SEMA3C: variants seen among roughly 807,000 people sequenced by gnomAD.
SEMA3C encodes the protein semaphorin 3C.
A neutral mutation model predicts 89.4 loss-of-function variants in SEMA3C; 47 were observed. That is an observed-to-expected ratio of 0.53 (90% CI 0.42 to 0.67). The LOEUF (loss-of-function observed/expected upper bound fraction) is 0.67, where lower values mean the gene tolerates loss of function less well. Ranked by LOEUF, SEMA3C falls within the 30% of genes least tolerant of loss-of-function variation. SEMA3C has a pLI of 0.00. For missense variants in SEMA3C, 839 were observed against 929.1 expected (o/e 0.90, Z 1.26); for synonymous variants, 310 against 320.2 (o/e 0.97, Z 0.34).
Position 80,744,863 on chromosome 7 carries a change from A to G in SEMA3C, c.*31T>C. 6.2e-6 allele frequency: 10 copies of G among 1,610,560 alleles called. No homozygotes were observed. The highest frequency in any genetic ancestry group is 8.5e-6 in the Non-Finnish European group (10 of 1,177,338). On this transcript the variant is annotated 3_prime_UTR_variant, in exon 18 of 18. Transcript: ENST00000265361. Reference sequence around the variant, plus strand: ...GATCATTGAAGACAGAGCATTTGTTAATGGAAGCATAAGACCCACATAAGA... The same window carrying G: ...GATCATTGAAGACAGAGCATTTGTTGATGGAAGCATAAGACCCACATAAGA...
At chr7:80,895,174 G>C (rs1237202851) in intron 2 of SEMA3C, among the ~76,000 whole-genome samples, 1 of 152,130 alleles carries the variant, frequency 6.6e-6, no homozygotes, top group East Asian at 1.9e-4. Context: ...ACCTAAAACT[G>C]TTCCTAAACT....
At chr7:80,795,787 C>T (rs1383400713) in intron 11 of SEMA3C, among the ~76,000 whole-genome samples, 1 of 152,006 alleles carries the variant, frequency 6.6e-6, no homozygotes, top group African/African-American at 2.4e-5. Context: ...GGTCAGAGGT[C>T]ACTTTGCATG....
chr7:80,866,997 G>A (rs903740852), intron 2 of SEMA3C, among the ~76,000 whole-genome samples: 1 of 152,182 alleles, frequency 6.6e-6, no homozygotes, highest in African/African-American at 2.4e-5. Context: ...GTTTTAGGTA[G>A]AGAAAAGTGA....
rs1790294746 is a variant in SEMA3C at position 80,842,571 on chromosome 7, A to G, written c.104-13826T>C. On this transcript the variant is annotated intron_variant, in intron 2 of 17. Transcript: ENST00000265361. ...CACTTAAAAGAGGAAATGAGAAACC[A>G]TGAGAAATCCAGTTTGACCTAAGTA... Among the ~76,000 whole-genome samples, 7 of 152,180 alleles carry G rather than the reference A, an allele frequency of 4.6e-5. No individual in the cohort carries two copies. In the South Asian group the frequency reaches 1.4e-3, roughly 31 times the overall value.
At position 80,810,611 on chromosome 7, in the gene SEMA3C, T is replaced by C. The variant is rs1789445150; in HGVS notation, c.538A>G (p.Asn180Asp). The C allele has an allele frequency of 3.1e-6, 5 of 1,611,692 alleles. No individual in the cohort carries two copies. The highest frequency in any genetic ancestry group is 1.3e-5 in the African/African-American group (1 of 74,896). The change falls in exon 6 of 18, where the codon AAT becomes GAT. Residue 180 changes from asparagine (N) to aspartate (D), a missense_variant and splice_region_variant. Transcript: ENST00000265361. ...PNVNTVSVMI[N>D]EELFSGMYID... ...CCTCCCTCTTTCGTTGTCTACTTAC[T>C]GATCATAACAGACACCGTGTTCACG...
intron 17 of SEMA3C, among the ~76,000 whole-genome samples, chr7:80,746,591 A>G (rs1201549214): frequency 6.6e-6 from 1 of 152,072 alleles, no homozygotes; most frequent in African/African-American, 2.4e-5. Flanking sequence ...TTTTGATAAG[A>G]GGAAAACAAG....
chr7:80,806,417 A>G (rs1309201401), intron 6 of SEMA3C, among the ~76,000 whole-genome samples: 1 of 152,188 alleles, frequency 6.6e-6, no homozygotes, highest in Non-Finnish European at 1.5e-5. Flanking sequence ...AAATGTAATC[A>G]CTAAAAGTAC....
At chr7:80,895,810 A>G (rs1174836618) in intron 2 of SEMA3C, among the ~76,000 whole-genome samples, 2 of 152,126 alleles carry the variant, frequency 1.3e-5, no homozygotes, top group African/African-American at 4.8e-5. Flanking sequence ...AATTAAGGTG[A>G]TGATTCAATT....
chr7:80,804,387 G>A, intron 7 of SEMA3C, 139 bp from the exon 8 acceptor site: 1 of 486,588 alleles, frequency 2.1e-6, no homozygotes, highest in Non-Finnish European at 3.5e-6. Context: ...ATTTCTAAAA[G>A]CAGTAATTGC....
chr7:80,798,814 AC>A (rs1187377287), intron 10 of SEMA3C, among the ~76,000 whole-genome samples: 1 of 152,212 alleles, frequency 6.6e-6, no homozygotes, highest in Non-Finnish European at 1.5e-5. Context: ...TTAGTCAATG[AC>A]ACCTCATAAA....
rs143365769 is a variant in SEMA3C at position 80,754,572 on chromosome 7, G to C, written c.1644-3236C>G. ...GTTAATTCATTCACTAACATGTTTT[G>C]TATTTACTATAAATACTTGCTTAAC... is the stretch of plus-strand genomic sequence containing the variant. On this transcript the variant is annotated intron_variant, in intron 15 of 17. Transcript: ENST00000265361. 2.2e-3 allele frequency among the ~76,000 whole-genome samples: 328 copies of C among 152,206 alleles called. 7 individuals are homozygous for C. The East Asian group carries it at 0.052, about 24-fold the overall frequency.
At chr7:80,918,151 G>A (rs75208901) in intron 1 of SEMA3C, 5,949 of 152,146 alleles carry the variant, frequency 0.039, 164 homozygotes, top group Middle Eastern at 0.061. Context: ...TGATTTTATG[G>A]GTGACTTTCC....
At chr7:80,755,916 AAAG>A (rs1788055330) in intron 15 of SEMA3C, among the ~76,000 whole-genome samples, 1 of 152,182 alleles carries the variant, frequency 6.6e-6, no homozygotes, top group Admixed American at 6.5e-5. Flanking sequence ...ATAGACATCA[AAAG>A]AAGTCAGGGA....
At chr7:80,881,825 C>T (rs1791348594) in intron 2 of SEMA3C, among the ~76,000 whole-genome samples, 1 of 152,094 alleles carries the variant, frequency 6.6e-6, no homozygotes, top group Non-Finnish European at 1.5e-5. Flanking sequence ...TATCAAGCCA[C>T]ATAAAATTTG....
At chr7:80,751,109 C>G (rs1464313313) in intron 16 of SEMA3C, among the ~76,000 whole-genome samples, 160 bp downstream of exon 16, 1 of 152,046 alleles carries the variant, frequency 6.6e-6, no homozygotes, top group East Asian at 1.9e-4. Flanking sequence ...ATACAAAAAG[C>G]CTTTAAGTTT....
intron 15 of SEMA3C, among the ~76,000 whole-genome samples, chr7:80,754,431 G>C (rs1562859477): frequency 6.6e-6 from 1 of 152,036 alleles, no homozygotes; most frequent in Non-Finnish European, 1.5e-5. Flanking sequence ...TTAGAGAGTG[G>C]CATCAGCACA....
intron 2 of SEMA3C, among the ~76,000 whole-genome samples, chr7:80,841,135 G>C (rs1447200876): frequency 6.6e-6 from 1 of 152,028 alleles, no homozygotes; most frequent in East Asian, 1.9e-4. Flanking sequence ...TTTTTCCCAA[G>C]TCACTTCAGA....
chr7:80,832,396 T>C (rs569834552), intron 2 of SEMA3C, among the ~76,000 whole-genome samples: 1 of 152,282 alleles, frequency 6.6e-6, no homozygotes, highest in South Asian at 2.1e-4. Flanking sequence ...CAATATATGC[T>C]CCTTTCATGA....
At chr7:80,772,986 A>G (rs140301158) in intron 12 of SEMA3C, among the ~76,000 whole-genome samples, 2 of 152,312 alleles carry the variant, frequency 1.3e-5, no homozygotes, top group African/African-American at 2.4e-5. Flanking sequence ...GAGGTGCTGC[A>G]TATTAAATAA....
Sources: allele counts gnomAD v4.1 joint callset (sites outside exome capture counted in the v4.1 genomes callset), GRCh38; gene constraint gnomAD v4.1.1; transcripts MANE v1.5; gene names NCBI Gene and HGNC (gene_info 2026-07-23, HGNC 2026-07-21).